The following MTRES1 variants were observed in gnomAD, a reference collection of about 807,000 sequenced individuals.
MTRES1 encodes the protein mitochondrial transcription rescue factor 1.
In MTRES1, 11 loss-of-function variants were observed where a neutral mutation model predicts 17.4. That is an observed-to-expected ratio of 0.63 (90% CI 0.40 to 1.05). The LOEUF (loss-of-function observed/expected upper bound fraction) is 1.05. MTRES1 is among the 50% of genes least tolerant of loss of function. MTRES1 has a pLI of 0.00. For missense variants in MTRES1, 268 were observed against 276.2 expected, an observed-to-expected ratio of 0.97 and a Z score of 0.21; for synonymous variants, 94 against 99.6, an observed-to-expected ratio of 0.94 and a Z score of 0.34.
chr6:107,029,288 C>T, intron 1 of MTRES1, among the ~76,000 whole-genome samples: 1 of 151,908 alleles, frequency 6.6e-6, no homozygotes, highest in Non-Finnish European at 1.5e-5. Flanking sequence ...CCCGGGTTCA[C>T]GCCATTCTCC....
chr6:107,036,529 G>A (rs534401485), intron 1 of MTRES1, among the ~76,000 whole-genome samples: 4 of 151,676 alleles, frequency 2.6e-5, no homozygotes, highest in African/African-American at 9.7e-5. Context: ...AAACAAGAGC[G>A]AAACTCCATC....
At chr6:107,050,954 C>A in intron 3 of MTRES1, 103 bp from the exon 4 acceptor site, 1 of 939,736 alleles carries the variant, frequency 1.1e-6, no homozygotes, top group Admixed American at 2.1e-5. Context: ...ACCTGCCCCT[C>A]CTCTGGGTCA....
intron 1 of MTRES1, chr6:107,029,884 G>A: frequency 1.7e-6 from 1 of 591,034 alleles, no homozygotes; most frequent in Admixed American, 3.0e-5. Flanking sequence ...GGGATTATAG[G>A]CGTGAGCCAC....
At chr6:107,047,801 G>A (rs557305285) in intron 3 of MTRES1, among the ~76,000 whole-genome samples, 13 of 152,060 alleles carry the variant, frequency 8.5e-5, no homozygotes, top group Non-Finnish European at 1.6e-4. Flanking sequence ...CAGGAGAATC[G>A]TTTGAATCCA....
intron 1 of MTRES1, among the ~76,000 whole-genome samples, chr6:107,033,791 C>G (rs1352930739): frequency 6.6e-6 from 1 of 152,060 alleles, no homozygotes; most frequent in African/African-American, 2.4e-5. Context: ...GCACTCCAGC[C>G]TGGGCGACAG....
chr6:107,028,971 C>A, intron 1 of MTRES1: 1 of 546,472 alleles, frequency 1.8e-6, no homozygotes, highest in Non-Finnish European at 2.3e-6. Context: ...CTGATTCATT[C>A]GAATGCACCC....
chr6:107,050,919 G>T, intron 3 of MTRES1, 138 bp from the exon 4 acceptor site: 1 of 696,188 alleles, frequency 1.4e-6, no homozygotes. Context: ...ATAGGTGACA[G>T]TGACTAAGGT....
At chr6:107,039,644 A>G (rs1774123509) in intron 1 of MTRES1, 105 bp from the exon 2 acceptor site, 4 of 1,229,210 alleles carry the variant, frequency 3.3e-6, no homozygotes, top group Admixed American at 3.0e-5. Flanking sequence ...AGGGGCGAAT[A>G]CGTATAGTAC....
At chr6:107,039,195 T>A (rs182696966) in intron 1 of MTRES1, among the ~76,000 whole-genome samples, 1 of 152,218 alleles carries the variant, frequency 6.6e-6, no homozygotes, top group Non-Finnish European at 1.5e-5. Flanking sequence ...TCATATCACA[T>A]TGGACCTTCC....
chr6:107,044,185 T>C, intron 2 of MTRES1, 75 bp from the exon 3 acceptor site: 1 of 1,006,800 alleles, frequency 9.9e-7, no homozygotes, highest in Non-Finnish European at 1.6e-6. Flanking sequence ...GGATATACTG[T>C]ATAGTGATGA....
intron 2 of MTRES1, among the ~76,000 whole-genome samples, chr6:107,041,089 G>A (rs181582664): frequency 0.011 from 1,567 of 149,196 alleles, 53 homozygotes; most frequent in African/African-American, 0.039. Flanking sequence ...AGCCAGGCGT[G>A]GTGGCAGGCG....
intron 2 of MTRES1, among the ~76,000 whole-genome samples, 174 bp from the exon 3 acceptor site, chr6:107,044,086 C>T (rs1774310056): frequency 6.6e-6 from 1 of 152,184 alleles, no homozygotes; most frequent in Non-Finnish European, 1.5e-5. Flanking sequence ...GGCGCCACTG[C>T]ACTCCAGCTT....
chr6:107,030,057 A>G, intron 1 of MTRES1: 2 of 717,344 alleles, frequency 2.8e-6, no homozygotes, highest in South Asian at 3.0e-5. Context: ...GAATCTTCGT[A>G]TTTTTTTCCT....
chr6:107,043,764 G>A (rs183856383), intron 2 of MTRES1, among the ~76,000 whole-genome samples: 39 of 152,264 alleles, frequency 2.6e-4, no homozygotes, highest in Non-Finnish European at 4.9e-4. Flanking sequence ...GTTTGGACCC[G>A]TGCTGGCCAA....
At chr6:107,028,834 C>G (rs2114932025) in intron 1 of MTRES1, 1 of 973,980 alleles carries the variant, frequency 1.0e-6, no homozygotes, top group East Asian at 1.1e-4. Context: ...GAAGATGTCA[C>G]CCAAAACCTC....
chr6:107,028,261 C>T lies in MTRES1; in HGVS notation c.-23C>T, dbSNP rs1396284151. The T allele has an allele frequency of 6.6e-6, 1 of 152,038 alleles. No homozygotes were observed. Among genetic ancestry groups the T allele is most frequent in the Non-Finnish European group, 1.5e-5 (1 of 68,032 alleles). The allele number at this position is 152,038 out of a possible 1,614,324, so 9.4% of individuals were successfully genotyped here. A position where few individuals can be genotyped will look rare whatever the true frequency, so the allele number is the denominator to read the frequency against. On this transcript the variant is annotated 5_prime_UTR_variant, in exon 1 of 4. Transcript: ENST00000311381. ...CGGCCGCGGGGAGGGACGAGAGGGCCTGACGTACAGGTGAGTGCGCCTCTG... is the reference window on the plus strand; with the variant it reads ...CGGCCGCGGGGAGGGACGAGAGGGCTTGACGTACAGGTGAGTGCGCCTCTG...
At chr6:107,043,457 A>G (rs1373877458) in intron 2 of MTRES1, among the ~76,000 whole-genome samples, 2 of 152,164 alleles carry the variant, frequency 1.3e-5, no homozygotes, top group Non-Finnish European at 1.5e-5. Context: ...AACTTTTGAC[A>G]CTCAGAAAAC....
At chr6:107,031,812 G>A (rs558901266) in intron 1 of MTRES1, among the ~76,000 whole-genome samples, 1 of 152,180 alleles carries the variant, frequency 6.6e-6, no homozygotes, top group South Asian at 2.1e-4. Context: ...TGTTGGTCAG[G>A]CTGGTCTCGA....
intron 2 of MTRES1, among the ~76,000 whole-genome samples, chr6:107,042,056 AAG>A (rs1774234922): frequency 6.6e-6 from 1 of 151,578 alleles, no homozygotes; most frequent in African/African-American, 2.4e-5. Context: ...GATTCATAAA[AAG>A]GGCCGGGTGT....
Sources: gnomAD v4.1 joint callset for allele counts (sites outside exome capture counted in the v4.1 genomes callset) on GRCh38, gnomAD v4.1.1 for gene constraint, MANE v1.5 for transcripts, NCBI Gene and HGNC (gene_info 2026-07-23, HGNC 2026-07-21) for gene names.